Variants in RBFOX1 observed in about 807,000 individuals in gnomAD.
RBFOX1 encodes the protein RNA binding fox-1 homolog 1, also known as RNA binding protein fox-1 homolog 1.
In RBFOX1, 8 loss-of-function variants were observed where a neutral mutation model predicts 57.7. The ratio of observed to expected loss-of-function variants is 0.14; its 90% CI spans 0.08 to 0.25. RBFOX1 has a LOEUF of 0.25. Among genes scored for constraint, RBFOX1 ranks in the 10% least tolerant of loss-of-function variants. RBFOX1 has a pLI of 1.00. For missense variants in RBFOX1, 611 were observed against 548.5 expected (o/e 1.11, Z -1.14); for synonymous variants, 326 against 222.4 (o/e 1.47, Z -4.15).
At chr16:6,449,384 T>G (rs1474855431) in intron 2 of RBFOX1, among the ~76,000 whole-genome samples, 1 of 152,248 alleles carries the variant, frequency 6.6e-6, no homozygotes, top group Admixed American at 6.5e-5. Context: ...GCAGTGGCTT[T>G]GTTTCGGGGT....
At chr16:6,550,629 A>G (rs1212779188) in intron 2 of RBFOX1, among the ~76,000 whole-genome samples, 1 of 152,188 alleles carries the variant, frequency 6.6e-6, no homozygotes, top group African/African-American at 2.4e-5. Context: ...CCCAGCCTTC[A>G]TGGCACACTT....
intron 1 of RBFOX1, among the ~76,000 whole-genome samples, chr16:6,241,615 G>C (rs1054383712): frequency 8.5e-5 from 13 of 152,192 alleles, no homozygotes; most frequent in African/African-American, 2.7e-4. Context: ...TGCTCCCAAA[G>C]ACGTGGTGTT....
At chr16:5,508,380 C>A (rs984759582) in intron 2 of RBFOX1, among the ~76,000 whole-genome samples, 3 of 152,216 alleles carry the variant, frequency 2.0e-5, no homozygotes, top group African/African-American at 7.2e-5. Flanking sequence ...TGTTGCATCC[C>A]AGCTAGCAGC....
At chr16:5,252,348 A>G (rs1358579295) in intron 1 of RBFOX1, among the ~76,000 whole-genome samples, 1 of 152,216 alleles carries the variant, frequency 6.6e-6, no homozygotes, top group African/African-American at 2.4e-5. Context: ...AGTATATCCC[A>G]TGCAATATTT....
intron 1 of RBFOX1, among the ~76,000 whole-genome samples, chr16:5,456,098 C>T (rs1244574333): frequency 6.6e-6 from 1 of 151,562 alleles, no homozygotes; most frequent in Admixed American, 6.6e-5. Context: ...AATATTATGG[C>T]ATATATCATT....
chr16:6,670,767 C>T (rs1206760934), intron 3 of RBFOX1, among the ~76,000 whole-genome samples: 1 of 151,948 alleles, frequency 6.6e-6, no homozygotes, highest in East Asian at 1.9e-4. Context: ...GGAGGCCGAG[C>T]TGGGTGGATC....
chr16:5,638,747 T>G (rs1356592038), intron 3 of RBFOX1, among the ~76,000 whole-genome samples: 1 of 152,168 alleles, frequency 6.6e-6, no homozygotes, highest in Non-Finnish European at 1.5e-5. Context: ...TCATAGAGCT[T>G]GAGTAGGATC....
rs192065009 is a variant in RBFOX1 at position 7,362,697 on chromosome 16, A to G, written c.28-155450A>G. On this transcript the variant is annotated intron_variant, in intron 4 of 15. Transcript: ENST00000550418. ...TGCATATGTGTGTTAGTGTGTGTAT[A>G]TTTGTGTATGCATGCTAGTGTGTGC... is the stretch of plus-strand genomic sequence containing the variant. Among the ~76,000 whole-genome samples the G allele has an allele frequency of 1.3e-3, 192 of 151,402 alleles. 1 individual carries two copies. The highest frequency in any genetic ancestry group is 4.3e-3 in the African/African-American group (177 of 41,224).
intron 4 of RBFOX1, among the ~76,000 whole-genome samples, chr16:7,327,140 C>T (rs929703922): frequency 1.3e-5 from 2 of 152,012 alleles, no homozygotes; most frequent in African/African-American, 2.4e-5. Context: ...GTGGCAGGGA[C>T]AACTTTGCAG....
chr16:5,892,522 G>A (rs903241081), intron 4 of RBFOX1, among the ~76,000 whole-genome samples: 3 of 152,162 alleles, frequency 2.0e-5, no homozygotes, highest in African/African-American at 4.8e-5. Context: ...TGATGAAGAT[G>A]AGGAAGAGAA....
chr16:5,359,183 T>A (rs1447596882), intron 1 of RBFOX1, among the ~76,000 whole-genome samples: 2 of 152,244 alleles, frequency 1.3e-5, no homozygotes, highest in Non-Finnish European at 2.9e-5. Flanking sequence ...CTGTTATGTA[T>A]AAGTACCACA....
intron 1 of RBFOX1, among the ~76,000 whole-genome samples, chr16:5,342,246 C>T (rs1596581641): frequency 1.3e-5 from 2 of 152,148 alleles, no homozygotes; most frequent in Non-Finnish European, 1.5e-5. Context: ...CTGCAGCCAT[C>T]TGTTGAGATT....
intron 3 of RBFOX1, among the ~76,000 whole-genome samples, chr16:6,943,444 C>G (rs140174864): frequency 0.011 from 1,630 of 152,238 alleles, 30 homozygotes; most frequent in African/African-American, 0.037. Flanking sequence ...CGTGGTGGCT[C>G]ACACCTGTAA....
At chr16:6,993,041 C>T (rs947808882) in intron 3 of RBFOX1, among the ~76,000 whole-genome samples, 20 of 152,138 alleles carry the variant, frequency 1.3e-4, no homozygotes, top group South Asian at 2.1e-4. Context: ...ATTTTAATTT[C>T]GCAGCTGGAG....
chr16:6,558,084 AATTAAT>A (rs2097129765), intron 2 of RBFOX1, among the ~76,000 whole-genome samples: 1 of 152,172 alleles, frequency 6.6e-6, no homozygotes, highest in African/African-American at 2.4e-5. Flanking sequence ...TAGTCACTTA[AATTAAT>A]ATTAAGTTAT....
At chr16:6,776,794 C>T (rs915635028) in intron 3 of RBFOX1, among the ~76,000 whole-genome samples, 1 of 152,224 alleles carries the variant, frequency 6.6e-6, no homozygotes. Context: ...AAATCTGATA[C>T]TGTAACAAGT....
intron 3 of RBFOX1, among the ~76,000 whole-genome samples, chr16:6,904,939 G>A (rs1259494681): frequency 6.6e-6 from 1 of 152,138 alleles, no homozygotes; most frequent in Non-Finnish European, 1.5e-5. Flanking sequence ...ACAATTTGCT[G>A]GGTAAACAAA....
intron 13 of RBFOX1, among the ~76,000 whole-genome samples, chr16:7,671,042 G>C (rs1414306543): frequency 6.6e-6 from 1 of 152,138 alleles, no homozygotes; most frequent in African/African-American, 2.4e-5. Context: ...CGTAGCTTCA[G>C]TGTAATTCAT....
At chr16:6,918,365 T>C (rs548951143) in intron 3 of RBFOX1, among the ~76,000 whole-genome samples, 1 of 152,088 alleles carries the variant, frequency 6.6e-6, no homozygotes, top group Non-Finnish European at 1.5e-5. Flanking sequence ...TGCCATTGTT[T>C]ATGAATTTTT....
Sources: gnomAD v4.1 joint callset for allele counts (sites outside exome capture counted in the v4.1 genomes callset) on GRCh38, gnomAD v4.1.1 for gene constraint, MANE v1.5 for transcripts, NCBI Gene and HGNC (gene_info 2026-07-23, HGNC 2026-07-21) for gene names.